PHKA1: variants seen among roughly 807,000 people sequenced by gnomAD.
The protein encoded by PHKA1 is phosphorylase b kinase regulatory subunit alpha, skeletal muscle isoform.
Under a neutral mutation model 110.2 loss-of-function variants are expected in PHKA1, and 60 were observed. That is an observed-to-expected ratio of 0.54 (90% CI 0.44 to 0.68). The LOEUF (loss-of-function observed/expected upper bound fraction) is 0.68. PHKA1 is among the 30% of genes least tolerant of loss of function. The probability of loss-of-function intolerance (pLI) is 0.00; values close to 1 mark genes in which losing one functional copy is unlikely to be tolerated. For missense variants in PHKA1, 801 were observed against 942.5 expected (o/e 0.85, Z 1.97); for synonymous variants, 316 against 333.6 (o/e 0.95, Z 0.58).
In PHKA1 at chrX:72,622,600, T is replaced by C. The variant is rs1170721560; in HGVS notation, c.1960+509A>G. ...AGAAGCCAATTAGAGTTTGACTTAG[T>C]TGTATTTGCCTAGTTTGTACTATGA... On this transcript the variant is annotated intron_variant, in intron 18 of 31. Coordinates refer to ENST00000373542, the MANE Select transcript of PHKA1 (RefSeq NM_002637.4). 8.0e-6 allele frequency: 6 copies of C among 752,381 alleles called. No homozygotes were observed. The African/African-American group carries it at 1.4e-4, about 17-fold the overall frequency. 62.0% of individuals were successfully genotyped at this position (752,381 alleles called of 1,213,427 possible).
intron 3 of PHKA1, among the ~76,000 whole-genome samples, chrX:72,703,976 AT>A (rs2054242466): frequency 8.9e-6 from 1 of 112,153 alleles, no homozygotes; most frequent in Admixed American, 9.5e-5. Flanking sequence ...GTATGCAAAA[AT>A]ATCACAAACA....
chrX:72,639,002 C>T (rs1378980901), intron 14 of PHKA1, among the ~76,000 whole-genome samples: 2 of 112,078 alleles, frequency 1.8e-5, no homozygotes, highest in African/African-American at 6.5e-5. Context: ...CTTCACTCAC[C>T]TTCATTTTTA....
chrX:72,594,888 T>A (rs58343317), intron 28 of PHKA1, among the ~76,000 whole-genome samples: 10,380 of 112,158 alleles, frequency 0.093, 1,081 homozygotes, highest in African/African-American at 0.31. Context: ...AGAGGAATTA[T>A]TACTAGCTCT....
rs2052382861 is a variant in PHKA1 at position 72,584,312 on chromosome X, A to G, written c.3244-10T>C. On this transcript the variant is annotated splice_polypyrimidine_tract_variant and intron_variant, in intron 29 of 31. Transcript: ENST00000373542. ...CAGAAAGTCCGTGACACTGCAAAAC[A>G]GAAAAAAAACCATATCACCAAAAAC... 2 of 1,203,680 alleles carry G rather than the reference A, an allele frequency of 1.7e-6. No homozygotes were observed. The highest frequency in any genetic ancestry group is 2.3e-6 in the Non-Finnish European group (2 of 888,276).
intron 6 of PHKA1, among the ~76,000 whole-genome samples, chrX:72,669,329 G>C (rs781806433): frequency 9.0e-6 from 1 of 111,337 alleles, no homozygotes; most frequent in South Asian, 3.9e-4. Context: ...TCTCTGCCTG[G>C]GCCCAGAAGC....
intron 3 of PHKA1, among the ~76,000 whole-genome samples, chrX:72,702,646 T>G (rs1285109674): frequency 1.8e-5 from 2 of 111,625 alleles, no homozygotes; most frequent in African/African-American, 6.5e-5. Context: ...AATGAGCTTT[T>G]GGGACCTACC....
At chrX:72,638,477 G>A (rs1184000276) in intron 14 of PHKA1, among the ~76,000 whole-genome samples, 2 of 109,301 alleles carry the variant, frequency 1.8e-5, no homozygotes, top group Non-Finnish European at 3.8e-5. Context: ...TTAATAACAA[G>A]TCATGGTTTT....
intron 29 of PHKA1, among the ~76,000 whole-genome samples, chrX:72,591,272 C>T (rs1316593983): frequency 1.8e-5 from 2 of 111,385 alleles, no homozygotes; most frequent in African/African-American, 3.3e-5. Context: ...GGGACATAGA[C>T]GAAGCTGGAG....
intron 5 of PHKA1, among the ~76,000 whole-genome samples, chrX:72,682,112 G>A (rs868973500): frequency 6.0e-5 from 5 of 83,474 alleles, no homozygotes; most frequent in South Asian, 6.6e-4. Flanking sequence ...CAGCCGCCCC[G>A]TCCGGGAGGT....
At chrX:72,598,865 C>A (rs977021477) in intron 28 of PHKA1, among the ~76,000 whole-genome samples, 2 of 110,911 alleles carry the variant, frequency 1.8e-5, no homozygotes, top group Admixed American at 1.9e-4. Flanking sequence ...GCCTAAATCA[C>A]CAACCAATGC....
chrX:72,663,773 A>G (rs1394006780), intron 8 of PHKA1, among the ~76,000 whole-genome samples: 27 of 109,440 alleles, frequency 2.5e-4, no homozygotes, highest in African/African-American at 8.6e-4. Context: ...CAAGAACACT[A>G]TACCCAGAAT....
chrX:72,598,818 G>C lies in PHKA1; in HGVS notation c.3072+3173C>G, dbSNP rs782052745. Among the ~76,000 whole-genome samples, 3 of 111,397 alleles carry C rather than the reference G, an allele frequency of 2.7e-5. No homozygotes were observed. In the South Asian group the frequency reaches 1.2e-3, roughly 43 times the overall value. On this transcript the variant is annotated intron_variant, in intron 28 of 31. Coordinates refer to ENST00000373542, the MANE Select transcript of PHKA1 (RefSeq NM_002637.4). The stretch of plus-strand genomic sequence containing the variant: ...ATAGAAGATAATAGAAATATTTTCT[G>C]AGAAAATAACTTCTCACGTTTTAAT...
intron 6 of PHKA1, among the ~76,000 whole-genome samples, chrX:72,672,034 T>G (rs2053709996): frequency 8.9e-6 from 1 of 112,239 alleles, no homozygotes; most frequent in South Asian, 3.7e-4. Context: ...GTTTTATATA[T>G]CCTTTGAGAT....
intron 17 of PHKA1, among the ~76,000 whole-genome samples, chrX:72,626,100 CAT>C (rs1556282763): frequency 9.2e-6 from 1 of 108,144 alleles, no homozygotes; most frequent in East Asian, 2.9e-4. Flanking sequence ...ATATAAAACA[CAT>C]AGTATATGTA....
chrX:72,663,709 A>G (rs1211168185), intron 8 of PHKA1, among the ~76,000 whole-genome samples: 2 of 106,090 alleles, frequency 1.9e-5, no homozygotes, highest in African/African-American at 6.9e-5. Flanking sequence ...AGGCTGGAAG[A>G]GAATGAGATG....
rs75190252 is a variant in PHKA1 at position 72,631,607 on chromosome X, C to CT, written c.1714+3547dup. 1.0e-3 allele frequency among the ~76,000 whole-genome samples: 108 copies of CT among 104,112 alleles called. No homozygotes were observed. The Middle Eastern group carries it at 0.02, about 19-fold the overall frequency. 90.4% of individuals were successfully genotyped at this position (104,112 alleles called of 115,157 possible). A position where few individuals can be genotyped will look rare whatever the true frequency, so the allele number is the denominator to read the frequency against. On this transcript the variant is annotated intron_variant, in intron 16 of 31. Coordinates refer to ENST00000373542, the MANE Select transcript of PHKA1 (RefSeq NM_002637.4). ...GGGTCTTTAAAAAAACCTGTTTTTC[C>CT]TTTTTTTTTTTTCTTTTTGTATTTC...
intron 6 of PHKA1, among the ~76,000 whole-genome samples, chrX:72,672,928 G>A (rs781944405): frequency 9.0e-6 from 1 of 111,704 alleles, no homozygotes; most frequent in East Asian, 2.8e-4. Flanking sequence ...TCAAATCGAG[G>A]AACATTCTGT....
intron 5 of PHKA1, among the ~76,000 whole-genome samples, chrX:72,681,491 A>G (rs1603270335): frequency 1.4e-5 from 1 of 70,193 alleles, no homozygotes; most frequent in African/African-American, 5.1e-5. Flanking sequence ...TCCGGGAGGG[A>G]GGTGGGGGGG....
intron 2 of PHKA1, chrX:72,712,428 C>A: frequency 4.2e-6 from 1 of 240,296 alleles, no homozygotes; most frequent in Non-Finnish European, 7.5e-6. Context: ...TAGATACCTG[C>A]TCCCAAACAT....
Sources: allele counts gnomAD v4.1 joint callset (sites outside exome capture counted in the v4.1 genomes callset), GRCh38; gene constraint gnomAD v4.1.1; transcripts MANE v1.5; gene names NCBI Gene and HGNC (gene_info 2026-07-23, HGNC 2026-07-21).